The following BMP5 variants were observed in gnomAD, a reference collection of about 807,000 sequenced individuals.
The protein encoded by BMP5 is bone morphogenetic protein 5.
In BMP5, 23 loss-of-function variants were observed where a neutral mutation model predicts 46.6. That is an observed-to-expected ratio of 0.49 (90% confidence interval 0.35 to 0.70). The LOEUF (loss-of-function observed/expected upper bound fraction) is 0.70, where lower values mean the gene tolerates loss of function less well. Ranked by LOEUF, BMP5 falls within the 30% of genes least tolerant of loss-of-function variation. The pLI, the probability that BMP5 is intolerant of heterozygous loss-of-function variation, is 0.00. For missense variants in BMP5, 545 were observed against 565.6 expected (o/e 0.96, Z 0.37); for synonymous variants, 204 against 191.9 (o/e 1.06, Z -0.52).
At chr6:55,772,268 C>T (rs1021936831) in intron 4 of BMP5, among the ~76,000 whole-genome samples, 1 of 151,864 alleles carries the variant, frequency 6.6e-6, no homozygotes, top group African/African-American at 2.4e-5. Flanking sequence ...TATAGACGTA[C>T]ATTTGTTTCT....
chr6:55,797,119 T>C (rs1775733860), intron 2 of BMP5, among the ~76,000 whole-genome samples: 2 of 152,178 alleles, frequency 1.3e-5, no homozygotes, highest in South Asian at 4.1e-4. Flanking sequence ...ATAAACACAG[T>C]GGTAATAATT....
At chr6:55,870,201 G>GAA (rs554039115) in intron 1 of BMP5, among the ~76,000 whole-genome samples, 24 of 110,872 alleles carry the variant, frequency 2.2e-4, no homozygotes, top group Non-Finnish European at 2.9e-4. Context: ...ACTACAATTT[G>GAA]AAAAAAAAAA....
intron 3 of BMP5, among the ~76,000 whole-genome samples, chr6:55,789,576 A>C (rs1202278385): frequency 6.6e-6 from 1 of 152,046 alleles, no homozygotes; most frequent in African/African-American, 2.4e-5. Flanking sequence ...CAGTTAATTA[A>C]TGTATCATTA....
At chr6:55,816,809 G>A (rs922951352) in intron 2 of BMP5, among the ~76,000 whole-genome samples, 1 of 151,948 alleles carries the variant, frequency 6.6e-6, no homozygotes, top group Admixed American at 6.6e-5. Context: ...GCATGTGCAC[G>A]TACGTGTGTG....
At chr6:55,792,952 C>A (rs1240856403) in intron 3 of BMP5, among the ~76,000 whole-genome samples, 1 of 152,052 alleles carries the variant, frequency 6.6e-6, no homozygotes, top group Non-Finnish European at 1.5e-5. Context: ...TCCTCCCTGT[C>A]CCTGGTGATA....
intron 1 of BMP5, among the ~76,000 whole-genome samples, chr6:55,829,392 T>A (rs1403256139): frequency 6.6e-6 from 1 of 151,756 alleles, no homozygotes; most frequent in African/African-American, 2.4e-5. Flanking sequence ...GAAGGCTAAA[T>A]CCAGACTCTG....
At position 55,759,437 on chromosome 6, in the gene BMP5, G is replaced by A. The variant is rs544153874; in HGVS notation, c.1105-322C>T. ...TAGTATGTATTAAACATGTATTCAC[G>A]AATAAAACTATTATAAGAAAATAGC... On this transcript the variant is annotated intron_variant, in intron 5 of 6. Coordinates refer to ENST00000370830, the MANE Select transcript of BMP5 (RefSeq NM_021073.4). Among the ~76,000 whole-genome samples, 10 of 151,706 alleles carry A rather than the reference G, an allele frequency of 6.6e-5. No individual in the cohort carries two copies. In the South Asian group the frequency reaches 1.5e-3, roughly 22 times the overall value.
chr6:55,769,501 T>C (rs1774997230), intron 4 of BMP5, among the ~76,000 whole-genome samples: 1 of 151,912 alleles, frequency 6.6e-6, no homozygotes, highest in Admixed American at 6.6e-5. Context: ...TTGCTATTTC[T>C]ACCACAACTG....
chr6:55,825,119 T>C (rs1394544111), intron 1 of BMP5, among the ~76,000 whole-genome samples: 1 of 151,680 alleles, frequency 6.6e-6, no homozygotes, highest in East Asian at 1.9e-4. Context: ...ACAAGTTGCT[T>C]TCCTATACCC....
chr6:55,839,664 G>C (rs956949950), intron 1 of BMP5, among the ~76,000 whole-genome samples: 3 of 152,124 alleles, frequency 2.0e-5, no homozygotes, highest in African/African-American at 7.2e-5. Context: ...TTAATACATA[G>C]GAGCACAATT....
intron 3 of BMP5, among the ~76,000 whole-genome samples, chr6:55,784,549 G>C (rs922841842): frequency 6.6e-6 from 1 of 151,730 alleles, no homozygotes; most frequent in South Asian, 2.1e-4. Context: ...TAAATTTCAT[G>C]TTGAAGTGAA....
chr6:55,826,123 G>A (rs906677499), intron 1 of BMP5, among the ~76,000 whole-genome samples: 5 of 151,798 alleles, frequency 3.3e-5, no homozygotes, highest in Non-Finnish European at 5.9e-5. Context: ...GAAAGAATAT[G>A]TACATGTTTT....
At position 55,761,419 on chromosome 6, in the gene BMP5, T is replaced by A. The variant is rs1254940891; in HGVS notation, c.1028-886A>T. On this transcript the variant is annotated intron_variant, in intron 4 of 6. Coordinates refer to ENST00000370830, the MANE Select transcript of BMP5 (RefSeq NM_021073.4). ...TCTTCATATCATTAAGAGTGAAATA[T>A]TCTCAGAGTGGTTACAAGGCTCTTT... Among the ~76,000 whole-genome samples, 3 of 152,214 alleles carry A rather than the reference T, an allele frequency of 2.0e-5. No individual in the cohort carries two copies. The East Asian group carries it at 5.8e-4, about 30-fold the overall frequency.
chr6:55,874,407 A>G lies in BMP5; in HGVS notation c.459T>C (p.Asp153=). Residue 153 remains aspartate (D), a synonymous_variant, in exon 1 of 7, where the codon GAT becomes GAC. Transcript: ENST00000370830. Reference sequence around the variant, plus strand: ...TGACAAAGCTCATGACCATGTCAGCATCATTCAGAAAGTTGGTATCATGGA... The same window carrying G: ...TGACAAAGCTCATGACCATGTCAGCGTCATTCAGAAAGTTGGTATCATGGA... ...ASLHDTNFLN[D]ADMVMSFVNL... is the part of the protein sequence containing the mutation. 2.5e-6 allele frequency: 4 copies of G among 1,613,260 alleles called. No homozygotes were observed. The South Asian group carries it at 4.4e-5, about 18-fold the overall frequency.
chr6:55,828,174 A>T (rs1776576110), intron 1 of BMP5, among the ~76,000 whole-genome samples: 1 of 151,858 alleles, frequency 6.6e-6, no homozygotes, highest in African/African-American at 2.4e-5. Context: ...TTGATAGTTT[A>T]TCTACAGTGA....
chr6:55,759,140 CACACAAA>C, intron 5 of BMP5, 25 bp from the exon 6 acceptor site: 1 of 180,594 alleles, frequency 5.5e-6, no homozygotes. Flanking sequence ...CACACACACA[CACACAAA>C]AAAAAAAAAA....
At chr6:55,780,531 A>G (rs1333771990) in intron 3 of BMP5, among the ~76,000 whole-genome samples, 1 of 151,588 alleles carries the variant, frequency 6.6e-6, no homozygotes, top group African/African-American at 2.4e-5. Context: ...AACATATAGC[A>G]GTAGAAGAAA....
chr6:55,793,238 GTC>G (rs1775617564), intron 3 of BMP5, among the ~76,000 whole-genome samples: 1 of 152,096 alleles, frequency 6.6e-6, no homozygotes, highest in South Asian at 2.1e-4. Context: ...CATCACCACA[GTC>G]TGCAAATTCT....
At chr6:55,873,991 A>G (rs984782043) in intron 1 of BMP5, among the ~76,000 whole-genome samples, 1 of 152,010 alleles carries the variant, frequency 6.6e-6, no homozygotes, top group Non-Finnish European at 1.5e-5. Context: ...AATCACTTAA[A>G]AAAAAAGTGC....
Sources: allele counts gnomAD v4.1 joint callset (sites outside exome capture counted in the v4.1 genomes callset), GRCh38; gene constraint gnomAD v4.1.1; transcripts MANE v1.5; gene names NCBI Gene and HGNC (gene_info 2026-07-23, HGNC 2026-07-21).